GRIN2A: variants seen among roughly 807,000 people sequenced by gnomAD.
GRIN2A encodes the protein glutamate ionotropic receptor NMDA type subunit 2A, also known as glutamate receptor ionotropic, NMDA 2A.
In GRIN2A, 22 loss-of-function variants were observed where a neutral mutation model predicts 113.4. The ratio of observed to expected loss-of-function variants is 0.19; its 90% CI spans 0.14 to 0.28. GRIN2A has a LOEUF of 0.28. Ranked by LOEUF, GRIN2A falls within the 10% of genes least tolerant of loss-of-function variation. GRIN2A has a pLI of 1.00. For synonymous variants in GRIN2A, 827 were observed against 738.4 expected (o/e 1.12, Z -1.94); for missense variants, 1,502 against 1,887.0 (o/e 0.80, Z 3.78).
intron 3 of GRIN2A, among the ~76,000 whole-genome samples, chr16:9,931,631 A>T (rs1235877062): frequency 6.6e-6 from 1 of 152,082 alleles, no homozygotes; most frequent in Non-Finnish European, 1.5e-5. Flanking sequence ...CTTTGGTAAG[A>T]GGGTTTTGGT....
intron 2 of GRIN2A, among the ~76,000 whole-genome samples, chr16:10,075,133 A>G (rs778985377): frequency 1.2e-4 from 19 of 152,080 alleles, no homozygotes; most frequent in Non-Finnish European, 2.6e-4. Context: ...GTCCTCTCCT[A>G]TGCAGTTTCC....
At chr16:10,179,966 G>C in intron 2 of GRIN2A, 32 bp downstream of exon 2, 2 of 1,456,742 alleles carry the variant, frequency 1.4e-6, no homozygotes, top group Non-Finnish European at 1.9e-6. Context: ...TGGCTTCCCA[G>C]GTCCTGGCAG....
rs185162647 is a variant in GRIN2A at position 10,049,534 on chromosome 16, C to T, written c.415-110983G>A. Among the ~76,000 whole-genome samples, 250 of 152,098 alleles carry T rather than the reference C, an allele frequency of 1.6e-3. 2 individuals are homozygous for T. The highest frequency in any genetic ancestry group is 7.5e-4 in the Non-Finnish European group (51 of 67,988). On this transcript the variant is annotated intron_variant, in intron 2 of 12. Transcript: ENST00000330684. ...CTGGGGTTACAAGCACCCACAACTA[C>T]GCCCACCTAATTTTTTGTATTTTTA...
At chr16:10,139,446 A>G (rs187246100) in intron 2 of GRIN2A, among the ~76,000 whole-genome samples, 37 of 152,374 alleles carry the variant, frequency 2.4e-4, no homozygotes, top group African/African-American at 8.2e-4. Flanking sequence ...ATTAAAAACA[A>G]AAGCCAATCT....
At chr16:10,088,171 T>C (rs2048117853) in intron 2 of GRIN2A, among the ~76,000 whole-genome samples, 1 of 152,160 alleles carries the variant, frequency 6.6e-6, no homozygotes, top group Non-Finnish European at 1.5e-5. Context: ...ATTTTGAAGA[T>C]AAGTGCAGGT....
chr16:9,922,732 T>A (rs1443876873), intron 3 of GRIN2A, among the ~76,000 whole-genome samples: 1 of 152,156 alleles, frequency 6.6e-6, no homozygotes, highest in Non-Finnish European at 1.5e-5. Flanking sequence ...GAGTCGTTTT[T>A]ATTTATTCTT....
At chr16:9,909,964 T>G (rs1374052362) in intron 3 of GRIN2A, among the ~76,000 whole-genome samples, 2 of 152,228 alleles carry the variant, frequency 1.3e-5, no homozygotes, top group Non-Finnish European at 2.9e-5. Context: ...AATCATACAC[T>G]ATGTGGCCTT....
intron 2 of GRIN2A, among the ~76,000 whole-genome samples, chr16:9,953,812 G>C (rs1009894636): frequency 4.6e-5 from 7 of 152,150 alleles, no homozygotes; most frequent in Non-Finnish European, 1.0e-4. Flanking sequence ...GTGTGGTGCA[G>C]TGAGATGTTC....
chr16:9,836,107 A>C (rs943688692), intron 7 of GRIN2A, among the ~76,000 whole-genome samples: 1 of 152,268 alleles, frequency 6.6e-6, no homozygotes, highest in African/African-American at 2.4e-5. Context: ...TAGGAGATTT[A>C]TAAGTACTTC....
At chr16:9,924,518 A>G (rs979571512) in intron 3 of GRIN2A, among the ~76,000 whole-genome samples, 1 of 152,174 alleles carries the variant, frequency 6.6e-6, no homozygotes, top group Non-Finnish European at 1.5e-5. Context: ...TGATTTTGAG[A>G]AATTTGATTA....
intron 2 of GRIN2A, among the ~76,000 whole-genome samples, chr16:10,059,716 G>A (rs1359695374): frequency 1.1e-5 from 1 of 90,740 alleles, no homozygotes; most frequent in African/African-American, 4.1e-5. Context: ...ACACCATCGT[G>A]ACCGAAAAAA....
intron 3 of GRIN2A, among the ~76,000 whole-genome samples, chr16:9,919,737 C>T (rs984936524): frequency 1.3e-5 from 2 of 152,232 alleles, no homozygotes; most frequent in Non-Finnish European, 2.9e-5. Flanking sequence ...AAACTCTCAT[C>T]GTGGTCTCTG....
intron 2 of GRIN2A, among the ~76,000 whole-genome samples, chr16:10,019,210 T>C (rs764837017): frequency 2.0e-5 from 3 of 152,164 alleles, no homozygotes. Context: ...AGTACCTTCA[T>C]GTGTGGCGAG....
intron 2 of GRIN2A, among the ~76,000 whole-genome samples, chr16:9,954,677 G>A (rs1047688197): frequency 2.6e-5 from 4 of 152,036 alleles, no homozygotes; most frequent in Non-Finnish European, 5.9e-5. Context: ...AAATTTTCAG[G>A]CCACAAATTA....
chr16:10,050,567 C>G (rs570106670), intron 2 of GRIN2A, among the ~76,000 whole-genome samples: 277 of 151,784 alleles, frequency 1.8e-3, no homozygotes, highest in African/African-American at 6.4e-3. Context: ...TCCCATCAAC[C>G]CCAGATGGGA....
At chr16:9,914,286 G>T (rs1326340450) in intron 3 of GRIN2A, among the ~76,000 whole-genome samples, 1 of 152,148 alleles carries the variant, frequency 6.6e-6, no homozygotes, top group Admixed American at 6.5e-5. Flanking sequence ...TTTTCAACAT[G>T]CTGGCAGCAA....
At chr16:9,915,088 C>T (rs2044219879) in intron 3 of GRIN2A, among the ~76,000 whole-genome samples, 1 of 151,232 alleles carries the variant, frequency 6.6e-6, no homozygotes, top group South Asian at 2.1e-4. Context: ...AGGCAACTGC[C>T]ACTGCACCCG....
chr16:9,825,997 GGAGAGGGGGAGGAAT>G (rs982577006), intron 9 of GRIN2A, among the ~76,000 whole-genome samples: 7 of 150,298 alleles, frequency 4.7e-5, no homozygotes, highest in Non-Finnish European at 7.4e-5. Flanking sequence ...ACAAAGAGAA[GGAGAGGGGGAGGAAT>G]GAGAGGGGGG....
intron 2 of GRIN2A, among the ~76,000 whole-genome samples, chr16:10,164,364 G>A (rs1382884358): frequency 6.6e-6 from 1 of 152,176 alleles, no homozygotes; most frequent in Non-Finnish European, 1.5e-5. Context: ...ATTGGGTCAG[G>A]GTCTGCGGGA....
Sources: allele counts gnomAD v4.1 joint callset (sites outside exome capture counted in the v4.1 genomes callset), GRCh38; gene constraint gnomAD v4.1.1; transcripts MANE v1.5; gene names NCBI Gene and HGNC (gene_info 2026-07-23, HGNC 2026-07-21).